Variants in NOTCH2 observed in about 807,000 individuals in gnomAD.
The protein encoded by NOTCH2 is neurogenic locus notch homolog protein 2.
Under a neutral mutation model 235.8 loss-of-function variants are expected in NOTCH2, and 29 were observed. The observed-to-expected ratio is 0.12, with a 90% CI of 0.09 to 0.17. The LOEUF (loss-of-function observed/expected upper bound fraction) is 0.17. Ranked by LOEUF, NOTCH2 falls within the 10% of genes least tolerant of loss-of-function variation. The pLI is 1.00. For missense variants in NOTCH2, 2,285 were observed against 3,150.2 expected (o/e 0.73, Z 6.57); for synonymous variants, 1,086 against 1,141.5 (o/e 0.95, Z 0.98).
chr1:119,975,330 G>A (rs1468790582), intron 5 of NOTCH2, among the ~76,000 whole-genome samples: 2 of 152,108 alleles, frequency 1.3e-5, no homozygotes, highest in Non-Finnish European at 2.9e-5. Context: ...CCATCCTCTG[G>A]CTTCAGGCTG....
intron 5 of NOTCH2, among the ~76,000 whole-genome samples, chr1:119,980,364 T>C (rs1458723806): frequency 3.3e-5 from 5 of 152,210 alleles, no homozygotes; most frequent in Admixed American, 3.3e-4. Flanking sequence ...CCAACGCCCT[T>C]TGAGCTGCCT....
At chr1:119,922,888 T>C in intron 26 of NOTCH2, 110 bp from the exon 27 acceptor site, 1 of 1,362,884 alleles carries the variant, frequency 7.3e-7, no homozygotes, top group Non-Finnish European at 1.0e-6. Context: ...CTTCCTCCCC[T>C]TCAGCATCAG....
intron 30 of NOTCH2, among the ~76,000 whole-genome samples, 195 bp downstream of exon 30, chr1:119,920,034 A>T (rs1404334740): frequency 6.6e-6 from 1 of 152,248 alleles, no homozygotes; most frequent in African/African-American, 2.4e-5. Flanking sequence ...TACATGAAGC[A>T]ATGTGAAATC....
At chr1:119,962,211 T>C (rs138532659) in intron 11 of NOTCH2, among the ~76,000 whole-genome samples, 4 of 152,290 alleles carry the variant, frequency 2.6e-5, no homozygotes, top group Admixed American at 2.6e-4. Flanking sequence ...AATGATATAA[T>C]GCCAGAGAAA....
chr1:119,957,006 T>C (rs1557821245), intron 12 of NOTCH2, among the ~76,000 whole-genome samples: 1 of 152,200 alleles, frequency 6.6e-6, no homozygotes, highest in African/African-American at 2.4e-5. Context: ...ACTCAATAAA[T>C]TGGTGTTTAA....
intron 3 of NOTCH2, among the ~76,000 whole-genome samples, chr1:120,001,553 G>A (rs1402645608): frequency 6.6e-6 from 1 of 152,164 alleles, no homozygotes; most frequent in African/African-American, 2.4e-5. Context: ...GCCAGCAGCA[G>A]AAACCAACAC....
chr1:120,037,359 G>A (rs2101353755), intron 1 of NOTCH2, among the ~76,000 whole-genome samples: 1 of 151,026 alleles, frequency 6.6e-6, no homozygotes, highest in Non-Finnish European at 1.5e-5. Flanking sequence ...TCTGGCACAT[G>A]GCCTCTGGAA....
intron 2 of NOTCH2, among the ~76,000 whole-genome samples, chr1:120,012,686 G>A (rs1207287689): frequency 2.0e-5 from 3 of 152,158 alleles, no homozygotes; most frequent in Non-Finnish European, 2.9e-5. Context: ...GCCCAAAGTT[G>A]GTTATCTGTG....
At chr1:119,928,354 G>A (rs1049265403) in intron 23 of NOTCH2, among the ~76,000 whole-genome samples, 5 of 152,126 alleles carry the variant, frequency 3.3e-5, no homozygotes, top group Non-Finnish European at 7.4e-5. Context: ...AAACACACTT[G>A]AATTTGGACC....
At chr1:119,986,905 G>C (rs1652040647) in intron 5 of NOTCH2, 55 bp downstream of exon 5, 1 of 1,611,624 alleles carries the variant, frequency 6.2e-7, no homozygotes, top group East Asian at 2.2e-5. Context: ...AAAACAGTCT[G>C]CCTCTGGTTA....
chr1:120,041,220 A>G (rs587645231), intron 1 of NOTCH2, among the ~76,000 whole-genome samples: 2 of 127,758 alleles, frequency 1.6e-5, no homozygotes, highest in Admixed American at 7.5e-5. Flanking sequence ...GTACTTAATG[A>G]TATTTGATGA....
In NOTCH2 at chr1:119,959,521, C is replaced by A. The variant is rs372575402; in HGVS notation, c.1916-19G>T. The A allele has an allele frequency of 7.7e-7, 1 of 1,305,920 alleles. No individual in the cohort carries two copies. The highest frequency in any genetic ancestry group is 1.7e-5 in the Admixed American group (1 of 59,616). 80.9% of individuals were successfully genotyped at this position (1,305,920 alleles called of 1,614,324 possible). ...TTAACCCCTGGAAGAGAAAACCCAA[C>A]GGAAACCATTCAATGTTACCACAGA... is the stretch of plus-strand genomic sequence containing the variant. On this transcript the variant is annotated intron_variant, in intron 11 of 33. Coordinates refer to ENST00000256646, the MANE Select transcript of NOTCH2 (RefSeq NM_024408.4).
At chr1:119,943,822 T>C (rs1650156140) in intron 17 of NOTCH2, among the ~76,000 whole-genome samples, 1 of 151,762 alleles carries the variant, frequency 6.6e-6, no homozygotes, top group African/African-American at 2.4e-5. Flanking sequence ...ACAACGATAC[T>C]CAATATATTC....
intron 22 of NOTCH2, chr1:119,935,138 G>T: frequency 8.2e-7 from 1 of 1,217,032 alleles, no homozygotes; most frequent in Non-Finnish European, 1.0e-6. Context: ...TATTTTAGAG[G>T]CCATTAGTTG....
At chr1:119,981,409 T>G (rs1651807204) in intron 5 of NOTCH2, among the ~76,000 whole-genome samples, 2 of 152,218 alleles carry the variant, frequency 1.3e-5, no homozygotes, top group Admixed American at 1.3e-4. Flanking sequence ...TCTCTTACAG[T>G]ATCTAGCATA....
rs587698067 is a variant in NOTCH2, at chr1:120,027,679, A to T, written c.155+2227T>A. On this transcript the variant is annotated intron_variant, in intron 2 of 33. Coordinates refer to ENST00000256646, the MANE Select transcript of NOTCH2 (RefSeq NM_024408.4). ...GTGTGATGTTCCCCTCCCTTTGTCC[A>T]TGTGTTCTCATTGTTCAACTCCCAC... is the stretch of plus-strand genomic sequence containing the variant. Among the ~76,000 whole-genome samples, 3 of 123,828 alleles carry T rather than the reference A, an allele frequency of 2.4e-5. No individual in the cohort carries two copies. The South Asian group carries it at 7.4e-4, about 30-fold the overall frequency. The allele number at this position is 123,828 out of a possible 152,430, so 81.2% of individuals were successfully genotyped here. A position where few individuals can be genotyped will look rare whatever the true frequency, so the allele number is the denominator to read the frequency against.
At chr1:120,041,848 GA>G (rs1322970759) in intron 1 of NOTCH2, among the ~76,000 whole-genome samples, 2 of 107,632 alleles carry the variant, frequency 1.9e-5, no homozygotes, top group African/African-American at 7.9e-5. Context: ...AAGAGAGAGA[GA>G]GAAAAGAAAG....
rs2101155772 is a variant in NOTCH2 at position 119,922,616 on chromosome 1, T to C, written c.5002+20A>G. The stretch of plus-strand genomic sequence containing the variant: ...CACTCTTCCCCCGCCACCTTTCCCC[T>C]TTACACCAGTGCCACTCACTGACGA... On this transcript the variant is annotated intron_variant, in intron 27 of 33. Transcript: ENST00000256646. The C allele has an allele frequency of 6.2e-7, 1 of 1,613,752 alleles. No individual in the cohort carries two copies. Among genetic ancestry groups the C allele is most frequent in the Non-Finnish European group, 8.5e-7 (1 of 1,180,012 alleles).
chr1:119,946,885 A>G (rs2101112271), intron 17 of NOTCH2, among the ~76,000 whole-genome samples: 1 of 152,260 alleles, frequency 6.6e-6, no homozygotes, highest in African/African-American at 2.4e-5. Flanking sequence ...TTATTTATAG[A>G]CAGGATGATT....
Sources: gnomAD v4.1 joint callset for allele counts (sites outside exome capture counted in the v4.1 genomes callset) on GRCh38, gnomAD v4.1.1 for gene constraint, MANE v1.5 for transcripts, NCBI Gene and HGNC (gene_info 2026-07-23, HGNC 2026-07-21) for gene names.